The following ATP6AP1 variants were observed in gnomAD, a reference collection of about 807,000 sequenced individuals.
ATP6AP1 encodes V-type proton ATPase subunit S1.
Under a neutral mutation model 32.0 loss-of-function variants are expected in ATP6AP1, and 1 was observed. That is an observed-to-expected ratio of 0.03 (90% CI 0.01 to 0.15). The LOEUF is 0.15. Ranked by LOEUF, ATP6AP1 falls within the 10% of genes least tolerant of loss-of-function variation. ATP6AP1 has a pLI of 1.00. For synonymous variants in ATP6AP1, 187 were observed against 174.9 expected (o/e 1.07, Z -0.55); for missense variants, 297 against 398.8 (o/e 0.74, Z 2.17).
intron 5 of ATP6AP1, 83 bp from the exon 6 acceptor site, chrX:154,433,552 G>A: frequency 2.0e-6 from 2 of 976,795 alleles, no homozygotes; most frequent in Non-Finnish European, 2.9e-6. Context: ...GGTCTAGAAG[G>A]TTTCTAAAGC....
At chrX:154,429,419 C>A in intron 2 of ATP6AP1, 1 of 363,048 alleles carries the variant, frequency 2.8e-6, no homozygotes, top group Non-Finnish European at 4.9e-6. Context: ...TACTGAGTAC[C>A]AAGCACTTTG....
In ATP6AP1 at chrX:154,436,143, G is replaced by T. The variant is rs912232050; in HGVS notation, c.*252G>T. On this transcript the variant is annotated 3_prime_UTR_variant, in exon 10 of 10. Coordinates refer to ENST00000369762, the MANE Select transcript of ATP6AP1 (RefSeq NM_001183.6). ...TTCCCAGGGTTCGTCGCTGTGAGGC[G>T]TAAGGGACATGAATTCTAGGGTCTC... 1.5e-5 allele frequency: 6 copies of T among 404,977 alleles called. No homozygotes were observed. The highest frequency in any genetic ancestry group is 2.1e-5 in the Non-Finnish European group (5 of 232,947). 33.4% of individuals were successfully genotyped at this position (404,977 alleles called of 1,213,427 possible). A position where few individuals can be genotyped will look rare whatever the true frequency, so the allele number is the denominator to read the frequency against.
chrX:154,432,785 G>A lies in ATP6AP1; in HGVS notation c.558-146G>A. 3 of 715,175 alleles carry A rather than the reference G, an allele frequency of 4.2e-6. No individual in the cohort carries two copies. The Admixed American group carries it at 8.3e-5, about 20-fold the overall frequency. 58.9% of individuals were successfully genotyped at this position (715,175 alleles called of 1,213,427 possible). A position where few individuals can be genotyped will look rare whatever the true frequency, so the allele number is the denominator to read the frequency against. ...GACTGAGAAGCCTCGGGGTGGGATG[G>A]GCTTCCAGGAGGGGGCACTGAGGTA... On this transcript the variant is annotated intron_variant, in intron 4 of 9. Coordinates refer to ENST00000369762, the MANE Select transcript of ATP6AP1 (RefSeq NM_001183.6).
rs1374595971 is a variant in ATP6AP1, at chrX:154,435,457, G to T, written c.1155G>T (p.Val385=). 20 of 1,210,639 alleles carry T rather than the reference G, an allele frequency of 1.7e-5. No individual in the cohort carries two copies. The highest frequency in any genetic ancestry group is 2.3e-4 in the Middle Eastern group (1 of 4,375). The part of the protein sequence containing the change: ...SSLSKKGSLL[V]ARTQPSPWQM... Reference sequence around the variant, plus strand: ...TGAGCAAGAAGGGTAGTCTCCTCGTGGCCCGCACGCAGCCCTCTCCCTGGC... The same window carrying T: ...TGAGCAAGAAGGGTAGTCTCCTCGTTGCCCGCACGCAGCCCTCTCCCTGGC... Residue 385 remains valine, a synonymous_variant, in exon 9 of 10, where the codon GTG becomes GTT. Transcript: ENST00000369762.
intron 3 of ATP6AP1, 33 bp from the exon 4 acceptor site, chrX:154,432,233 C>G (rs782016576): frequency 1.7e-6 from 2 of 1,155,835 alleles, no homozygotes; most frequent in Admixed American, 2.3e-5. Flanking sequence ...TGGCCCCTGG[C>G]TAACTCACCT....
rs374882679 is a variant in ATP6AP1 at position 154,432,451 on chromosome X, C to T, written c.549C>T (p.Tyr183=). The T allele has an allele frequency of 1.8e-4, 211 of 1,182,396 alleles. No homozygotes were observed. Among genetic ancestry groups the T allele is most frequent in the Non-Finnish European group, 2.3e-4 (202 of 880,858 alleles). Residue 183 remains tyrosine, a synonymous_variant, in exon 4 of 10, where the codon TAC becomes TAT. Coordinates refer to ENST00000369762, the MANE Select transcript of ATP6AP1 (RefSeq NM_001183.6). ...LPALLLIRLP[Y]TASSGLMAPR... is the part of the protein sequence containing the mutation. Reference sequence around the variant, plus strand: ...CTCTGCTGCTCATTCGCCTGCCCTACACAGCCAGGTACTGCCCGCATGGCC... The same window carrying T: ...CTCTGCTGCTCATTCGCCTGCCCTATACAGCCAGGTACTGCCCGCATGGCC...
chrX:154,432,604 C>A, intron 4 of ATP6AP1, 145 bp downstream of exon 4: 1 of 880,026 alleles, frequency 1.1e-6, no homozygotes, highest in Non-Finnish European at 1.5e-6. Flanking sequence ...CCTGTGTGGC[C>A]AGAAGAGGAG....
Position 154,429,143 on chromosome X carries a change from C to G in ATP6AP1, c.257C>G (p.Pro86Arg). Residue 86 changes from proline (P) to arginine (R), a missense_variant, in exon 2 of 10, where the codon CCC (proline) becomes CGC (arginine). Transcript: ENST00000369762. ...TTAGATCCCGCCCTGGAGCTGGGTC[C>G]CAGGAATGTGCTGCTGTTCCTGCAG... The part of the protein sequence containing the change: ...TYLDPALELG[P>R]RNVLLFLQDK... 8.3e-7 allele frequency: 1 copy of G among 1,211,691 alleles called. No homozygotes were observed. Among genetic ancestry groups the G allele is most frequent in the Non-Finnish European group, 1.1e-6 (1 of 895,425 alleles).
intron 3 of ATP6AP1, 34 bp downstream of exon 3, chrX:154,431,938 G>T: frequency 8.5e-7 from 1 of 1,176,620 alleles, no homozygotes; most frequent in East Asian, 3.0e-5. Flanking sequence ...GGCCATGGGG[G>T]ACATTCTGTG....
At chrX:154,434,155 G>A in intron 6 of ATP6AP1, 53 bp from the exon 7 acceptor site, 5 of 1,144,584 alleles carry the variant, frequency 4.4e-6, no homozygotes, top group Non-Finnish European at 6.0e-6. Context: ...TTGGGTTCAA[G>A]TGTGACACTC....
At chrX:154,429,588 T>C (rs2068683023) in intron 2 of ATP6AP1, 2 of 125,127 alleles carry the variant, frequency 1.6e-5, no homozygotes, top group South Asian at 2.5e-4. Flanking sequence ...ATAATGATAA[T>C]TGGAAAATGC....
Position 154,436,352 on chromosome X carries a change from A to C in ATP6AP1, c.*461A>C, listed in dbSNP as rs6727. 0.28 allele frequency: 35,746 copies of C among 126,454 alleles called. 7,318 individuals carry two copies. Among genetic ancestry groups the C allele is most frequent in the African/African-American group, 0.76 (23,336 of 30,669 alleles). 10.4% of individuals were successfully genotyped at this position (126,454 alleles called of 1,213,427 possible). A position where few individuals can be genotyped will look rare whatever the true frequency, so the allele number is the denominator to read the frequency against. On this transcript the variant is annotated 3_prime_UTR_variant, in exon 10 of 10. Transcript: ENST00000369762. The stretch of plus-strand genomic sequence containing the variant: ...CTGGTGATGTTGTGCTAACAATAAG[A>C]AGTACACGGGTTTATTTCTGTGGCC...
At position 154,435,860 on chromosome X, in the gene ATP6AP1, G is replaced by C; in HGVS notation, c.1382G>C (p.Gly461Ala). 1 of 1,211,224 alleles carries C rather than the reference G, an allele frequency of 8.3e-7. No individual in the cohort carries two copies. Among genetic ancestry groups the C allele is most frequent in the Non-Finnish European group, 1.1e-6 (1 of 895,340 alleles). Reference sequence around the variant, plus strand: ...ATGGATCGCTTTGATGACCACAAGGGCCCCACTATTTCTTTGACCCAGATT... The same window carrying C: ...ATGGATCGCTTTGATGACCACAAGGCCCCCACTATTTCTTTGACCCAGATT... ...KTMDRFDDHK[G>A]PTISLTQIV The change falls in exon 10 of 10, where the codon GGC becomes GCC. Residue 461 changes from glycine to alanine, a missense_variant. Transcript: ENST00000369762.
chrX:154,435,762 G>T lies in ATP6AP1; in HGVS notation c.1284G>T (p.Met428Ile), dbSNP rs878853275. 1 of 1,211,793 alleles carries T rather than the reference G, an allele frequency of 8.3e-7. No individual in the cohort carries two copies. Among genetic ancestry groups the T allele is most frequent in the Non-Finnish European group, 1.1e-6 (1 of 895,448 alleles). ...GCTTCTTCTCCCCCGGCATCTGGAT[G>T]GGGCTGCTCACCTCCCTGTTCATGC... ...CASFFSPGIW[M>I]GLLTSLFMLF... is the part of the protein sequence containing the mutation. Residue 428 changes from methionine (M) to isoleucine (I), a missense_variant, in exon 10 of 10, where the codon ATG becomes ATT. Met to Ile is a conservative substitution (Grantham distance 10, BLOSUM62 1). Around this residue, in one of 2 missense-constraint regions of ATP6AP1, gnomAD observed 155 missense variants for 253.8 expected, o/e 0.61. Transcript: ENST00000369762.
At chrX:154,433,864 T>C in intron 6 of ATP6AP1, 144 bp downstream of exon 6, 1 of 624,332 alleles carries the variant, frequency 1.6e-6, no homozygotes, top group South Asian at 2.9e-5. Flanking sequence ...ACCCCTGTGG[T>C]GTGACTATTT....
chrX:154,434,256 C>T lies in ATP6AP1; in HGVS notation c.733C>T (p.Leu245=), dbSNP rs2068708124. 1 of 1,209,949 alleles carries T rather than the reference C, an allele frequency of 8.3e-7. No individual in the cohort carries two copies. The highest frequency in any genetic ancestry group is 1.8e-5 in the African/African-American group (1 of 57,105). The change falls in exon 7 of 10, where the codon CTA becomes TTA. Residue 245 remains leucine, a synonymous_variant. Coordinates refer to ENST00000369762, the MANE Select transcript of ATP6AP1 (RefSeq NM_001183.6). ...GGCCGGAGGGCTAGGTCGCCAGCTG[C>T]TACAAAAACAGCCAGTATCACCTGT... ...VVAGGLGRQL[L]QKQPVSPVIH...
At chrX:154,434,127 G>A (rs2068707377) in intron 6 of ATP6AP1, 81 bp from the exon 7 acceptor site, 1 of 962,048 alleles carries the variant, frequency 1.0e-6, no homozygotes, top group African/African-American at 1.9e-5. Context: ...TGTTGGGAGG[G>A]GAAGGAGGGC....
At chrX:154,431,486 C>T (rs781891092) in intron 2 of ATP6AP1, 42 of 183,151 alleles carry the variant, frequency 2.3e-4, no homozygotes, top group Non-Finnish European at 4.1e-4. Flanking sequence ...GGCTGCCCCA[C>T]CCCCTCCCCG....
At position 154,434,234 on chromosome X, in the gene ATP6AP1, C is replaced by T. The variant is rs782803110; in HGVS notation, c.711C>T (p.Ala237=). Residue 237 remains alanine (A), a synonymous_variant, in exon 7 of 10, where the codon GCC becomes GCT. Transcript: ENST00000369762. ...SRVARDVAVV[A]GGLGRQLLQK... Reference sequence around the variant, plus strand: ...TGGCCCGTGATGTAGCCGTGGTGGCCGGAGGGCTAGGTCGCCAGCTGCTAC... The same window carrying T: ...TGGCCCGTGATGTAGCCGTGGTGGCTGGAGGGCTAGGTCGCCAGCTGCTAC... The T allele has an allele frequency of 5.0e-6, 6 of 1,211,405 alleles. No homozygotes were observed. Among genetic ancestry groups the T allele is most frequent in the East Asian group, 5.9e-5 (2 of 33,826 alleles).
Sources: allele counts gnomAD v4.1 joint callset, GRCh38; gene constraint gnomAD v4.1.1; regional missense constraint gnomAD v4.1.1; transcripts MANE v1.5; gene names NCBI Gene and HGNC (gene_info 2026-07-23, HGNC 2026-07-21).